PCDH15: variants seen among roughly 807,000 people sequenced by gnomAD.
The protein encoded by PCDH15 is protocadherin-15.
PCDH15 carries 129 observed loss-of-function variants against 178.5 expected under a neutral mutation model. That is an observed-to-expected ratio of 0.72 (90% confidence interval 0.63 to 0.84). The LOEUF (loss-of-function observed/expected upper bound fraction) is 0.84, where lower values mean the gene tolerates loss of function less well. Among genes scored for constraint, PCDH15 ranks in the 40% least tolerant of loss-of-function variants. The pLI, the probability that PCDH15 is intolerant of heterozygous loss-of-function variation, is 0.00. For synonymous variants in PCDH15, 800 were observed against 732.0 expected, an observed-to-expected ratio of 1.09 and a Z score of -1.50; for missense variants, 2,230 against 2,099.9, an observed-to-expected ratio of 1.06 and a Z score of -1.21.
chr10:54,078,152 T>C (rs1422889051), intron 17 of PCDH15, among the ~76,000 whole-genome samples: 1 of 152,152 alleles, frequency 6.6e-6, no homozygotes, highest in Admixed American at 6.5e-5. Flanking sequence ...GTACCTATTA[T>C]CCTCACTGTT....
intron 2 of PCDH15, among the ~76,000 whole-genome samples, chr10:54,946,662 G>T (rs1373916945): frequency 6.6e-6 from 1 of 151,678 alleles, no homozygotes; most frequent in Non-Finnish European, 1.5e-5. Flanking sequence ...ATCATTTTTT[G>T]AAATAAATTT....
chr10:54,580,292 C>A (rs1186515197), intron 2 of PCDH15, among the ~76,000 whole-genome samples: 1 of 151,850 alleles, frequency 6.6e-6, no homozygotes. Context: ...GACATTACAG[C>A]CAAACACATG....
chr10:53,866,650 C>A lies in PCDH15; in HGVS notation c.3709G>T (p.Asp1237Tyr), dbSNP rs371278220. The change falls in exon 27 of 38, where the codon GAT becomes TAT. Residue 1237 changes from aspartate (D) to tyrosine (Y), a missense_variant. Transcript: ENST00000644397. ...DYGKGLSGKA[D>Y]VLVSVVNQLD... is the part of the protein sequence containing the mutation. Reference sequence around the variant, plus strand: ...AAGTTTTATCTACTTACGAGTACATCGGCTTTGCCGCTCAGTCCCTTCCCA... The same window carrying A: ...AAGTTTTATCTACTTACGAGTACATAGGCTTTGCCGCTCAGTCCCTTCCCA... 7 of 1,613,054 alleles carry A rather than the reference C, an allele frequency of 4.3e-6. No homozygotes were observed. The East Asian group carries it at 1.6e-4, about 36-fold the overall frequency.
At chr10:54,874,646 G>GA (rs935927794) in intron 3 of PCDH15, among the ~76,000 whole-genome samples, 3 of 151,150 alleles carry the variant, frequency 2.0e-5, no homozygotes, top group East Asian at 1.9e-4. Context: ...AATGACTTGA[G>GA]AAAAAAACAC....
At chr10:55,517,954 T>G (rs1189294473) in intron 2 of PCDH15, among the ~76,000 whole-genome samples, 1 of 152,152 alleles carries the variant, frequency 6.6e-6, no homozygotes, top group African/African-American at 2.4e-5. Flanking sequence ...TTCTAACAGC[T>G]AAAGTTACAT....
At chr10:54,533,872 G>T (rs917326680) in intron 2 of PCDH15, among the ~76,000 whole-genome samples, 4 of 152,048 alleles carry the variant, frequency 2.6e-5, no homozygotes, top group African/African-American at 7.2e-5. Flanking sequence ...TTAAAGAAAT[G>T]GGTTTCTAAT....
At chr10:53,827,929 ATTAT>A (rs1025464802) in intron 31 of PCDH15, among the ~76,000 whole-genome samples, 2 of 152,100 alleles carry the variant, frequency 1.3e-5, no homozygotes, top group African/African-American at 4.8e-5. Flanking sequence ...ATTTTTCTTT[ATTAT>A]TTGTCTTTTA....
In PCDH15 at chr10:55,308,664, C is replaced by T. The variant is rs185935763; in HGVS notation, c.-156+10935G>A. On this transcript the variant is annotated intron_variant, in intron 1 of 5. Transcript: ENST00000458638. ...TTAGGTGCCTCATTGTCCCTGTCCT[C>T]CCAGCATAGACTTAAAATCACCTGT... 2.7e-3 allele frequency among the ~76,000 whole-genome samples: 408 copies of T among 152,286 alleles called. 1 individual carries two copies. Among genetic ancestry groups the T allele is most frequent in the Non-Finnish European group, 4.4e-3 (302 of 68,022 alleles).
At chr10:54,491,364 A>G (rs1322046164) in intron 3 of PCDH15, among the ~76,000 whole-genome samples, 1 of 151,822 alleles carries the variant, frequency 6.6e-6, no homozygotes, top group Non-Finnish European at 1.5e-5. Context: ...TCCAAGAAAT[A>G]TGATCAAATT....
At chr10:54,522,407 T>C (rs1034995285) in intron 3 of PCDH15, among the ~76,000 whole-genome samples, 8 of 152,342 alleles carry the variant, frequency 5.3e-5, no homozygotes, top group Admixed American at 3.3e-4. Flanking sequence ...TATCAGCATA[T>C]TCATCTTCAG....
In PCDH15 at chr10:54,329,463, A is replaced by G. The variant is rs11004240; in HGVS notation, c.705+133T>C. 450,569 of 670,028 alleles carry G rather than the reference A, an allele frequency of 0.67. 157,391 individuals carry two copies. The highest frequency in any genetic ancestry group is 0.78 in the Middle Eastern group (2,311 of 2,976). The allele number at this position is 670,028 out of a possible 1,614,324, so 41.5% of individuals were successfully genotyped here. On this transcript the variant is annotated intron_variant, in intron 7 of 37. Coordinates refer to ENST00000644397, the MANE Select transcript of PCDH15 (RefSeq NM_001384140.1). ...CTCCATCTATAAGAGTATTATATATAAACACCAAGGGCAGGAGTGCCCTGA... is the reference window on the plus strand; with the variant it reads ...CTCCATCTATAAGAGTATTATATATGAACACCAAGGGCAGGAGTGCCCTGA...
intron 1 of PCDH15, among the ~76,000 whole-genome samples, chr10:55,173,343 G>GTA (rs1191704021): frequency 1.3e-5 from 2 of 150,732 alleles, no homozygotes; most frequent in African/African-American, 4.9e-5. Context: ...GTGTGTGTGT[G>GTA]TGTATGTGTA....
In PCDH15 at chr10:55,178,529, G is replaced by A. The variant is rs542419615; in HGVS notation, c.-155-11878C>T. ...AAACCTATCAATTAGCCCAGTGGTTGTTCTCAGGTCTGGGTTGGGAGGGAC... is the reference window on the plus strand; with the variant it reads ...AAACCTATCAATTAGCCCAGTGGTTATTCTCAGGTCTGGGTTGGGAGGGAC... On this transcript the variant is annotated intron_variant, in intron 1 of 5. Transcript: ENST00000458638. 4.6e-5 allele frequency among the ~76,000 whole-genome samples: 7 copies of A among 152,186 alleles called. 1 individual carries two copies. The South Asian group carries it at 1.5e-3, about 32-fold the overall frequency.
intron 8 of PCDH15, among the ~76,000 whole-genome samples, chr10:54,257,049 TTAGATAGATAGATAGA>T (rs10569518): frequency 0.041 from 6,082 of 149,502 alleles, 400 homozygotes; most frequent in African/African-American, 0.13. Context: ...TCTCGATAGA[TTAGATAGATAGATAGA>T]TAGATAGATA....
At position 53,822,416 on chromosome 10, in the gene PCDH15, G is replaced by A. The variant is rs2132491943; in HGVS notation, c.4368-2186C>T. ...GACAAAAAAGAGAAAAAGGAGAAAT[G>A]TCAGGAGGAGGAGCAAGAGGAGCAG... On this transcript the variant is annotated intron_variant, in intron 32 of 37. Transcript: ENST00000644397. 8.9e-6 allele frequency: 14 copies of A among 1,579,838 alleles called. No individual in the cohort carries two copies. The highest frequency in any genetic ancestry group is 1.2e-5 in the Non-Finnish European group (14 of 1,162,786).
chr10:55,261,872 C>T (rs1842152491), intron 1 of PCDH15, among the ~76,000 whole-genome samples: 1 of 152,014 alleles, frequency 6.6e-6, no homozygotes, highest in African/African-American at 2.4e-5. Flanking sequence ...TGATTAAAAG[C>T]CAATTGTTAT....
chr10:54,455,103 T>C (rs886885258), intron 3 of PCDH15, among the ~76,000 whole-genome samples: 1 of 152,194 alleles, frequency 6.6e-6, no homozygotes, highest in South Asian at 2.1e-4. Context: ...ATGTGTTTAC[T>C]TCCCCTTCCA....
chr10:53,880,620 A>G (rs1392183363), intron 26 of PCDH15, among the ~76,000 whole-genome samples: 3 of 151,924 alleles, frequency 2.0e-5, no homozygotes, highest in African/African-American at 4.8e-5. Flanking sequence ...AACCTTTCTT[A>G]TTGCTTTCAT....
chr10:55,196,330 T>C (rs1840093069), intron 1 of PCDH15, among the ~76,000 whole-genome samples: 1 of 152,160 alleles, frequency 6.6e-6, no homozygotes, highest in Admixed American at 6.5e-5. Context: ...TTCTTTCAAC[T>C]GTCTTTCCCA....
Sources: allele counts gnomAD v4.1 joint callset (sites outside exome capture counted in the v4.1 genomes callset), GRCh38; gene constraint gnomAD v4.1.1; transcripts MANE v1.5; gene names NCBI Gene and HGNC (gene_info 2026-07-23, HGNC 2026-07-21).